The following MERTK variants were observed in gnomAD, a reference collection of about 807,000 sequenced individuals.
MERTK encodes tyrosine-protein kinase Mer.
A neutral mutation model predicts 99.3 loss-of-function variants in MERTK; 69 were observed. The observed-to-expected ratio is 0.70, with a 90% confidence interval of 0.57 to 0.85. The LOEUF is 0.85. Ranked by LOEUF, MERTK falls within the 40% of genes least tolerant of loss-of-function variation. The pLI, the probability that MERTK is intolerant of heterozygous loss-of-function variation, is 0.00. For synonymous variants in MERTK, 426 were observed against 467.6 expected (o/e 0.91, Z 1.15); for missense variants, 1,125 against 1,249.4 (o/e 0.90, Z 1.50).
At chr2:111,902,174 C>A (rs1274451658) in intron 1 of MERTK, among the ~76,000 whole-genome samples, 1 of 152,234 alleles carries the variant, frequency 6.6e-6, no homozygotes, top group Admixed American at 6.5e-5. Flanking sequence ...CATGAGCCAC[C>A]ACACCCAGCC....
At chr2:112,028,136 T>C in intron 18 of MERTK, 1 of 606,248 alleles carries the variant, frequency 1.6e-6, no homozygotes, top group Non-Finnish European at 2.9e-6. Context: ...ATATGTGCTC[T>C]TCCTAGAAAC....
intron 7 of MERTK, among the ~76,000 whole-genome samples, chr2:111,978,360 G>A (rs1349658537): frequency 1.3e-5 from 2 of 151,978 alleles, no homozygotes; most frequent in African/African-American, 2.4e-5. Flanking sequence ...TGTTAGGCTG[G>A]TCTTGAACTC....
chr2:111,920,927 A>G (rs1480489742), intron 1 of MERTK, among the ~76,000 whole-genome samples: 13 of 152,186 alleles, frequency 8.5e-5, no homozygotes, highest in Admixed American at 8.5e-4. Flanking sequence ...AAGTGCTGGG[A>G]TTACAGGCGT....
At chr2:111,936,971 C>T (rs1018850789) in intron 2 of MERTK, among the ~76,000 whole-genome samples, 15 of 152,222 alleles carry the variant, frequency 9.9e-5, no homozygotes, top group Non-Finnish European at 1.8e-4. Flanking sequence ...CCAGACCAGA[C>T]GACAGGGAAG....
chr2:111,900,878 A>G (rs1466561029), intron 1 of MERTK, among the ~76,000 whole-genome samples: 2 of 152,234 alleles, frequency 1.3e-5, no homozygotes, highest in East Asian at 1.9e-4. Flanking sequence ...AGATTTTCCT[A>G]TTACACATTG....
rs78784654 is a variant in MERTK, at chr2:111,995,211, C to T, written c.1450+807C>T. 5.4e-3 allele frequency: 833 copies of T among 155,160 alleles called. 8 individuals carry two copies. The highest frequency in any genetic ancestry group is 0.019 in the African/African-American group (799 of 41,602). The allele number at this position is 155,160 out of a possible 1,614,324, so 9.6% of individuals were successfully genotyped here. The stretch of plus-strand genomic sequence containing the variant: ...CCATCCTCAGACTGCCCTGGGCCCA[C>T]GGAGCTAAATGCCCAGCCATGCGTG... On this transcript the variant is annotated intron_variant, in intron 9 of 18. Transcript: ENST00000295408.
intron 1 of MERTK, among the ~76,000 whole-genome samples, chr2:111,926,986 A>C (rs573082347): frequency 6.6e-6 from 1 of 152,166 alleles, no homozygotes; most frequent in Non-Finnish European, 1.5e-5. Flanking sequence ...AGCATAAGTG[A>C]ACACTCCCAT....
chr2:111,983,834 C>T (rs1268648418), intron 8 of MERTK, among the ~76,000 whole-genome samples: 2 of 152,216 alleles, frequency 1.3e-5, no homozygotes, highest in African/African-American at 4.8e-5. Context: ...ATGGTTAGGC[C>T]TTGCAGTTTG....
chr2:111,899,313 G>A (rs1683992640), intron 1 of MERTK, among the ~76,000 whole-genome samples: 1 of 151,384 alleles, frequency 6.6e-6, no homozygotes, highest in Admixed American at 6.6e-5. Flanking sequence ...GCGATAGACT[G>A]AGGCCGAGCG....
At chr2:111,974,058 G>C (rs1676184222) in intron 6 of MERTK, among the ~76,000 whole-genome samples, 1 of 148,798 alleles carries the variant, frequency 6.7e-6, no homozygotes. Context: ...TTCAATTTCT[G>C]TTGGGGTCGA....
intron 10 of MERTK, among the ~76,000 whole-genome samples, chr2:111,998,847 C>T (rs1301731826): frequency 3.9e-5 from 6 of 152,292 alleles, no homozygotes; most frequent in Non-Finnish European, 1.5e-5. Flanking sequence ...AAGCTTAAAA[C>T]AAATGAAAGA....
At chr2:111,964,198 C>A (rs557708902) in intron 4 of MERTK, among the ~76,000 whole-genome samples, 14 of 152,160 alleles carry the variant, frequency 9.2e-5, no homozygotes, top group African/African-American at 3.4e-4. Context: ...CTATTCTCTC[C>A]AATTTATCTA....
At chr2:111,966,938 G>A (rs879648483) in intron 5 of MERTK, among the ~76,000 whole-genome samples, 4 of 152,118 alleles carry the variant, frequency 2.6e-5, no homozygotes, top group Admixed American at 2.6e-4. Context: ...CACCCTCCCT[G>A]GGCCTCATCC....
rs1260192254 is a variant in MERTK, at chr2:111,992,549, G to A, written c.1297-1702G>A. On this transcript the variant is annotated intron_variant, in intron 8 of 18. Coordinates refer to ENST00000295408, the MANE Select transcript of MERTK (RefSeq NM_006343.3). Reference sequence around the variant, plus strand: ...AGGTGGATCGCCAGGTCAAGAGATCGAGACCATCATGGCCAACATGGTGAA... The same window carrying A: ...AGGTGGATCGCCAGGTCAAGAGATCAAGACCATCATGGCCAACATGGTGAA... Among the ~76,000 whole-genome samples the A allele has an allele frequency of 2.6e-5, 4 of 152,082 alleles. No homozygotes were observed. The East Asian group carries it at 5.8e-4, about 22-fold the overall frequency.
intron 1 of MERTK, among the ~76,000 whole-genome samples, chr2:111,922,404 G>C (rs1280929577): frequency 6.6e-6 from 1 of 152,230 alleles, no homozygotes; most frequent in African/African-American, 2.4e-5. Flanking sequence ...TTAGAGCTAA[G>C]AGCCCTTCGC....
intron 1 of MERTK, chr2:111,913,039 G>T (rs1388488917): frequency 1.0e-6 from 1 of 985,384 alleles, no homozygotes; most frequent in Non-Finnish European, 1.2e-6. Flanking sequence ...TAGGTAAAAG[G>T]CCTGGCGAAA....
Position 111,898,766 on chromosome 2 carries a change from G to T in MERTK, c.31G>T (p.Gly11Cys). ...GCCGGCCCCGCTGCCGCTGCTGCTG[G>T]GCCTCTTCCTCCCCGCGCTCTGGCG... Reference protein sequence around the residue: MGPAPLPLLLGLFLPALWRRA... With the variant: MGPAPLPLLLCLFLPALWRRA... Residue 11 changes from glycine (G) to cysteine (C), a missense_variant, in exon 1 of 19, where the codon GGC (glycine) becomes TGC (cysteine). Coordinates refer to ENST00000295408, the MANE Select transcript of MERTK (RefSeq NM_006343.3). 6.2e-7 allele frequency: 1 copy of T among 1,604,064 alleles called. No individual in the cohort carries two copies. The highest frequency in any genetic ancestry group is 8.5e-7 in the Non-Finnish European group (1 of 1,176,056).
chr2:112,008,611 A>G lies in MERTK; in HGVS notation c.1960+136A>G, dbSNP rs754475830. ...CATAACTTATAACATTGAGGTTTTCACCCAGACTTTTCTTCATAATGATGT... is the reference window on the plus strand; with the variant it reads ...CATAACTTATAACATTGAGGTTTTCGCCCAGACTTTTCTTCATAATGATGT... On this transcript the variant is annotated intron_variant, in intron 14 of 18. Coordinates refer to ENST00000295408, the MANE Select transcript of MERTK (RefSeq NM_006343.3). 5 of 779,942 alleles carry G rather than the reference A, an allele frequency of 6.4e-6. No homozygotes were observed. In the East Asian group the frequency reaches 1.2e-4, roughly 19 times the overall value. The allele number at this position is 779,942 out of a possible 1,614,324, so 48.3% of individuals were successfully genotyped here. A position where few individuals can be genotyped will look rare whatever the true frequency, so the allele number is the denominator to read the frequency against.
At chr2:111,960,283 C>A (rs1685220994) in intron 4 of MERTK, among the ~76,000 whole-genome samples, 1 of 151,912 alleles carries the variant, frequency 6.6e-6, no homozygotes, top group African/African-American at 2.4e-5. Context: ...GAGTTCAAGA[C>A]CAGCCTGGCC....
Sources: gnomAD v4.1 joint callset for allele counts (sites outside exome capture counted in the v4.1 genomes callset) on GRCh38, gnomAD v4.1.1 for gene constraint, MANE v1.5 for transcripts, NCBI Gene and HGNC (gene_info 2026-07-23, HGNC 2026-07-21) for gene names.